Variants in MYH14 observed in about 807,000 individuals in gnomAD.
The protein encoded by MYH14 is myosin heavy chain 14, also known as myosin-14.
Under a neutral mutation model 255.5 loss-of-function variants are expected in MYH14, and 123 were observed. That is an observed-to-expected ratio of 0.48 (90% confidence interval 0.42 to 0.56). The LOEUF is 0.56. MYH14 is among the 20% of genes least tolerant of loss of function. MYH14 has a pLI of 0.00. For synonymous variants in MYH14, 1,095 were observed against 1,161.2 expected (o/e 0.94, Z 1.16); for missense variants, 2,423 against 2,802.3 (o/e 0.86, Z 3.06).
chr19:50,292,365 G>A lies in MYH14; in HGVS notation c.5232G>A (p.Glu1744=), dbSNP rs759241600. ...RESEKRLKGL[E]AEVLRLQEEL... ...GTGAAAAGCGCCTCAAGGGCCTGGA[G>A]GCTGAGGTGCTGCGGCTGCAGGAGG... The change falls in exon 37 of 43, where the codon GAG becomes GAA. Residue 1744 remains glutamate, a synonymous_variant. Coordinates refer to ENST00000642316, the MANE Select transcript of MYH14 (RefSeq NM_001145809.2). 1.9e-6 allele frequency: 3 copies of A among 1,589,476 alleles called. No individual in the cohort carries two copies. Among genetic ancestry groups the A allele is most frequent in the South Asian group, 2.3e-5 (2 of 86,698 alleles).
chr19:50,253,258 C>T (rs2034468984), intron 16 of MYH14, among the ~76,000 whole-genome samples: 1 of 152,050 alleles, frequency 6.6e-6, no homozygotes, highest in Non-Finnish European at 1.5e-5. Flanking sequence ...GCCTGGCCAA[C>T]ATGGTGAAAC....
At position 50,263,302 on chromosome 19, in the gene MYH14, C is replaced by G; in HGVS notation, c.2586-10C>G. On this transcript the variant is annotated splice_polypyrimidine_tract_variant and intron_variant, in intron 21 of 42. Transcript: ENST00000642316. Reference sequence around the variant, plus strand: ...CTCCCACTCTGCCCCTCACCCATTTCCCCACCCAGGGCCTTCCAGAAGCGC... The same window carrying G: ...CTCCCACTCTGCCCCTCACCCATTTGCCCACCCAGGGCCTTCCAGAAGCGC... 1 of 1,522,898 alleles carries G rather than the reference C, an allele frequency of 6.6e-7. No homozygotes were observed. The highest frequency in any genetic ancestry group is 8.8e-7 in the Non-Finnish European group (1 of 1,129,980). 94.3% of individuals were successfully genotyped at this position (1,522,898 alleles called of 1,614,324 possible).
chr19:50,266,575 G>GAGGAAAAAAGGAAGGA lies in MYH14; in HGVS notation c.2695-296_2695-281dup. Among the ~76,000 whole-genome samples, 1 of 151,624 alleles carries GAGGAAAAAAGGAAGGA rather than the reference G, an allele frequency of 6.6e-6. No individual in the cohort carries two copies. Among genetic ancestry groups the GAGGAAAAAAGGAAGGA allele is most frequent in the Admixed American group, 6.5e-5 (1 of 15,268 alleles). On this transcript the variant is annotated intron_variant, in intron 22 of 42. Transcript: ENST00000642316. The surrounding 1 kb of genome is among the most constrained non-coding windows in gnomAD (Gnocchi z 4.1). ...CTCTGTCGAAAGGAAGGAAGGAAGG[G>GAGGAAAAAAGGAAGGA]AGGAAAAAAGGAAGGAAGGAAGGAC...
At chr19:50,251,087 G>A (rs1397721309) in intron 15 of MYH14, among the ~76,000 whole-genome samples, 1 of 152,170 alleles carries the variant, frequency 6.6e-6, no homozygotes, top group Non-Finnish European at 1.5e-5. Flanking sequence ...CAGACGATCA[G>A]GATATAAGGT....
Position 50,286,556 on chromosome 19 carries a change from G to C in MYH14, c.4614G>C (p.Glu1538Asp), listed in dbSNP as rs762863836. 1 of 1,612,548 alleles carries C rather than the reference G, an allele frequency of 6.2e-7. No individual in the cohort carries two copies. The highest frequency in any genetic ancestry group is 1.3e-5 in the African/African-American group (1 of 74,928). ...ERERAEAEGREREARALSLTR... is the reference protein window; with the variant it reads ...ERERAEAEGRDREARALSLTR... ...AGCGGGCCGAGGCAGAGGGCCGGGA[G>C]CGTGAGGCTCGGGCCCTGTCACTGA... The change falls in exon 34 of 43, where the codon GAG becomes GAC. Residue 1538 changes from glutamate to aspartate, a missense_variant. Glu to Asp is a conservative substitution (Grantham distance 45, BLOSUM62 2). Transcript: ENST00000642316.
rs1335870509 is a variant in MYH14, at chr19:50,244,156, C to CT, written c.1115-81dup. 3.3e-6 allele frequency: 4 copies of CT among 1,222,216 alleles called. No individual in the cohort carries two copies. In the African/African-American group the frequency reaches 4.5e-5, roughly 14 times the overall value. 75.7% of individuals were successfully genotyped at this position (1,222,216 alleles called of 1,614,324 possible). A position where few individuals can be genotyped will look rare whatever the true frequency, so the allele number is the denominator to read the frequency against. On this transcript the variant is annotated intron_variant, in intron 10 of 42. Coordinates refer to ENST00000642316, the MANE Select transcript of MYH14 (RefSeq NM_001145809.2). ...GGGTGGTGATATAATTTGCCTTAAGCTTTTTAAGTTACATGTTTAAGGGGC... is the reference window on the plus strand; with the variant it reads ...GGGTGGTGATATAATTTGCCTTAAGCTTTTTTAAGTTACATGTTTAAGGGGC...
At position 50,309,828 on chromosome 19, in the gene MYH14, C is replaced by G. The variant is rs1173434296; in HGVS notation, c.*38C>G. ...CCCAGATGCACTAACAGATGGGGCC[C>G]AGCCCCCTTCCTCCCTGGACCCCAC... On this transcript the variant is annotated 3_prime_UTR_variant, in exon 43 of 43. Transcript: ENST00000642316. 3 of 1,549,884 alleles carry G rather than the reference C, an allele frequency of 1.9e-6. No homozygotes were observed. The highest frequency in any genetic ancestry group is 2.7e-5 in the African/African-American group (2 of 73,050).
At chr19:50,273,428 G>A (rs1004482621) in intron 27 of MYH14, among the ~76,000 whole-genome samples, 4 of 151,542 alleles carry the variant, frequency 2.6e-5, no homozygotes, top group Non-Finnish European at 5.9e-5. Context: ...ATTTACACTC[G>A]TTCACAGTAA....
intron 1 of MYH14, 29 bp from the exon 2 acceptor site, chr19:50,210,334 A>C (rs1600854904): frequency 6.4e-7 from 1 of 1,553,252 alleles, no homozygotes; most frequent in Admixed American, 1.9e-5. Flanking sequence ...GCCCCATCTG[A>C]CCCCCACCCT....
intron 34 of MYH14, among the ~76,000 whole-genome samples, chr19:50,288,973 C>G (rs1441007948): frequency 6.6e-6 from 1 of 151,910 alleles, no homozygotes; most frequent in African/African-American, 2.4e-5. Context: ...AACAGAAAAC[C>G]CAATAGAAGT....
intron 19 of MYH14, among the ~76,000 whole-genome samples, chr19:50,259,835 G>A (rs943196566): frequency 1.3e-5 from 2 of 152,026 alleles, no homozygotes; most frequent in African/African-American, 2.4e-5. Context: ...CCGAGATTGC[G>A]CCATTGCACT....
intron 40 of MYH14, among the ~76,000 whole-genome samples, chr19:50,304,768 G>A (rs1349702571): frequency 2.0e-5 from 3 of 152,306 alleles, no homozygotes; most frequent in Non-Finnish European, 2.9e-5. Flanking sequence ...AACTAGAAGG[G>A]TTGAAGGGAC....
At chr19:50,217,465 A>T (rs1183469678) in intron 2 of MYH14, 150 bp from the exon 3 acceptor site, 4 of 940,950 alleles carry the variant, frequency 4.3e-6, no homozygotes, top group Non-Finnish European at 3.4e-6. Flanking sequence ...AAATGCTCAT[A>T]ACAAACATTC....
At chr19:50,262,528 A>G (rs1176983513) in intron 21 of MYH14, among the ~76,000 whole-genome samples, 2 of 148,196 alleles carry the variant, frequency 1.3e-5, no homozygotes, top group African/African-American at 5.0e-5. Context: ...GCAGAGTGAG[A>G]CTCTGTATCA....
intron 1 of MYH14, among the ~76,000 whole-genome samples, chr19:50,209,467 G>A (rs1278673257): frequency 2.0e-5 from 3 of 152,002 alleles, no homozygotes; most frequent in Non-Finnish European, 4.4e-5. Flanking sequence ...GGACAACATA[G>A]TGAGACCCTA....
At chr19:50,226,742 G>A (rs1157893735) in intron 7 of MYH14, among the ~76,000 whole-genome samples, 161 bp from the exon 8 acceptor site, 2 of 152,080 alleles carry the variant, frequency 1.3e-5, no homozygotes, top group African/African-American at 2.4e-5. Context: ...GGAGCCCCCC[G>A]ATGGGGACTC....
intron 21 of MYH14, among the ~76,000 whole-genome samples, chr19:50,262,674 G>A (rs917260094): frequency 6.6e-6 from 1 of 152,068 alleles, no homozygotes; most frequent in Admixed American, 6.6e-5. Flanking sequence ...AGCTCTGGGT[G>A]TAGAAAGACT....
At chr19:50,287,016 G>T (rs1175731242) in intron 34 of MYH14, among the ~76,000 whole-genome samples, 1 of 152,182 alleles carries the variant, frequency 6.6e-6, no homozygotes, top group Non-Finnish European at 1.5e-5. Flanking sequence ...TACTTGGGAG[G>T]CTGAAGCAGG....
intron 10 of MYH14, among the ~76,000 whole-genome samples, chr19:50,234,335 T>C (rs2033558197): frequency 6.6e-6 from 1 of 152,180 alleles, no homozygotes; most frequent in Admixed American, 6.5e-5. Context: ...TGAACTATGA[T>C]TCTTTTAACC....
Sources: allele counts gnomAD v4.1 joint callset (sites outside exome capture counted in the v4.1 genomes callset), GRCh38; gene constraint gnomAD v4.1.1; non-coding constraint Gnocchi (gnomAD v3.1); transcripts MANE v1.5; gene names NCBI Gene and HGNC (gene_info 2026-07-23, HGNC 2026-07-21).